Variants in PLCB2 observed in about 807,000 individuals in gnomAD.
PLCB2 encodes 1-phosphatidylinositol 4,5-bisphosphate phosphodiesterase beta-2.
PLCB2 carries 115 observed loss-of-function variants against 141.7 expected under a neutral mutation model. The observed-to-expected ratio is 0.81, with a 90% CI of 0.70 to 0.95. The LOEUF (loss-of-function observed/expected upper bound fraction) is 0.95. Ranked by LOEUF, PLCB2 falls within the 40% of genes least tolerant of loss-of-function variation. PLCB2 has a pLI of 0.00. For synonymous variants in PLCB2, 603 were observed against 595.6 expected, an observed-to-expected ratio of 1.01 and a Z score of -0.18; for missense variants, 1,403 against 1,541.1, an observed-to-expected ratio of 0.91 and a Z score of 1.50.
Position 40,287,965 on chromosome 15 carries a change from A to C in PLCB2, c.*750T>G. The C allele has an allele frequency of 1.0e-6, 1 of 984,282 alleles. No homozygotes were observed. The highest frequency in any genetic ancestry group is 1.2e-6 in the Non-Finnish European group (1 of 828,904). The allele number at this position is 984,282 out of a possible 1,614,324, so 61.0% of individuals were successfully genotyped here. A position where few individuals can be genotyped will look rare whatever the true frequency, so the allele number is the denominator to read the frequency against. On this transcript the variant is annotated 3_prime_UTR_variant, in exon 32 of 32. Transcript: ENST00000260402. The stretch of plus-strand genomic sequence containing the variant: ...AAAGAGAAAAATAAATAAACCTCAT[A>C]AATTCAGGAGAGCAAATGATGCTGA...
At chr15:40,285,610 C>T, downstream of PLCB2, 1 of 985,218 alleles carries the variant, frequency 1.0e-6, no homozygotes, top group Non-Finnish European at 1.2e-6. Flanking sequence ...GACTCTCCAC[C>T]CCCAGTAACT....
chr15:40,288,586 C>T lies in PLCB2; in HGVS notation c.*129G>A. 7.1e-7 allele frequency: 1 copy of T among 1,407,760 alleles called. No homozygotes were observed. 87.2% of individuals were successfully genotyped at this position (1,407,760 alleles called of 1,614,324 possible). On this transcript the variant is annotated 3_prime_UTR_variant, in exon 32 of 32. Coordinates refer to ENST00000260402, the MANE Select transcript of PLCB2 (RefSeq NM_004573.3). Reference sequence around the variant, plus strand: ...GGCCTGGCCGTTGAGGAGGGGGCTGCAGCGTCCAAGGCAGCCACAGGTTCC... The same window carrying T: ...GGCCTGGCCGTTGAGGAGGGGGCTGTAGCGTCCAAGGCAGCCACAGGTTCC...
At chr15:40,290,969 G>T in intron 27 of PLCB2, 49 bp downstream of exon 27, 2 of 1,536,512 alleles carry the variant, frequency 1.3e-6, no homozygotes, top group East Asian at 2.4e-5. Flanking sequence ...TCCATGGGGG[G>T]TGGGGTCGGT....
At position 40,291,591 on chromosome 15, in the gene PLCB2, C is replaced by T; in HGVS notation, c.2647+15G>A. 1 of 1,613,204 alleles carries T rather than the reference C, an allele frequency of 6.2e-7. No homozygotes were observed. The highest frequency in any genetic ancestry group is 8.5e-7 in the Non-Finnish European group (1 of 1,179,862). On this transcript the variant is annotated intron_variant, in intron 25 of 31. Coordinates refer to ENST00000260402, the MANE Select transcript of PLCB2 (RefSeq NM_004573.3). ...CAGGCTCATCCCCGAGATCACCGGG[C>T]TCAGCAGGCCTTACCCGCAGCTTCT...
intron 10 of PLCB2, 63 bp from the exon 11 acceptor site, chr15:40,298,443 C>T: frequency 6.3e-7 from 1 of 1,576,100 alleles, no homozygotes; most frequent in Non-Finnish European, 8.7e-7. Context: ...TCTCCCCCTA[C>T]CGCCACTCCA....
chr15:40,298,080 C>A, intron 11 of PLCB2, 121 bp from the exon 12 acceptor site: 1 of 1,171,058 alleles, frequency 8.5e-7, no homozygotes, highest in Non-Finnish European at 1.2e-6. Flanking sequence ...CGCCATTGGC[C>A]CCCAATCCCT....
At chr15:40,295,178 G>A in intron 17 of PLCB2, 23 bp downstream of exon 17, 1 of 1,610,622 alleles carries the variant, frequency 6.2e-7, no homozygotes, top group Non-Finnish European at 8.5e-7. Context: ...CAAGGACCCT[G>A]GCCACTGAAA....
At chr15:40,286,225 G>A (rs554077267), downstream of PLCB2, among the ~76,000 whole-genome samples, 560 of 152,168 alleles carry the variant, frequency 3.7e-3, 2 homozygotes, top group Middle Eastern at 0.037. Context: ...AGGCAGGCAC[G>A]TCATACTCAC....
At chr15:40,301,788 C>T in intron 7 of PLCB2, 169 bp downstream of exon 7, 1 of 705,552 alleles carries the variant, frequency 1.4e-6, no homozygotes, top group Non-Finnish European at 2.6e-6. Flanking sequence ...CCTGGCTCCA[C>T]CCCTGTGCCT....
At position 40,297,956 on chromosome 15, in the gene PLCB2, C is replaced by T; in HGVS notation, c.1159G>A (p.Ala387Thr). 1 of 1,606,546 alleles carries T rather than the reference C, an allele frequency of 6.2e-7. No homozygotes were observed. Among genetic ancestry groups the T allele is most frequent in the Non-Finnish European group, 8.5e-7 (1 of 1,173,364 alleles). ...TMTTDIFFKEAIEAIAESAFK... is the reference protein window; with the variant it reads ...TMTTDIFFKETIEAIAESAFK... ...GCGCTTTCTGCAATAGCCTCAATTGCTTCCTGGAGGAGAAGGAGACTCCAT... is the reference window on the plus strand; with the variant it reads ...GCGCTTTCTGCAATAGCCTCAATTGTTTCCTGGAGGAGAAGGAGACTCCAT... The change falls in exon 12 of 32, where the codon GCA becomes ACA. Residue 387 changes from alanine to threonine, a missense_variant. By Grantham distance (58) the Ala-to-Thr change is moderately conservative (BLOSUM62 0). Around this residue, in one of 4 missense-constraint regions of PLCB2, gnomAD observed 975 missense variants for 1,141.1 expected, o/e 0.85. Coordinates refer to ENST00000260402, the MANE Select transcript of PLCB2 (RefSeq NM_004573.3). This position sits in a 1 kb window ranked among gnomAD's most constrained non-coding sequence, Gnocchi z 4.2.
chr15:40,290,996 T>C, intron 27 of PLCB2, 22 bp downstream of exon 27: 1 of 1,582,144 alleles, frequency 6.3e-7, no homozygotes, highest in Non-Finnish European at 8.5e-7. Flanking sequence ...GGTGGGGTTG[T>C]CGCCCTGCCC....
At chr15:40,302,760 T>C in intron 3 of PLCB2, 151 bp from the exon 4 acceptor site, 1 of 812,498 alleles carries the variant, frequency 1.2e-6, no homozygotes, top group Non-Finnish European at 1.9e-6. Flanking sequence ...AGCATCTTCC[T>C]GTCCCTGACT....
chr15:40,289,155 G>T, intron 31 of PLCB2, 117 bp downstream of exon 31: 1 of 1,062,674 alleles, frequency 9.4e-7, no homozygotes, highest in Non-Finnish European at 1.4e-6. Context: ...GGACCCCACA[G>T]TGAAGGATGA....
intron 20 of PLCB2, 57 bp downstream of exon 20, chr15:40,293,503 C>T: frequency 6.5e-7 from 1 of 1,549,064 alleles, no homozygotes; most frequent in Non-Finnish European, 8.9e-7. Flanking sequence ...TTCCTCTTGT[C>T]TGTAAGTAGA....
Position 40,296,808 on chromosome 15 carries a change from T to C in PLCB2, c.1424A>G (p.Lys475Arg), listed in dbSNP as rs768067248. The C allele has an allele frequency of 6.2e-7, 1 of 1,613,826 alleles. No homozygotes were observed. The change falls in exon 14 of 32, where the codon AAG (lysine) becomes AGG (arginine). Residue 475 changes from lysine to arginine, a missense_variant. Physicochemically the swap from Lys to Arg is conservative, Grantham distance 26. This residue lies in a region of PLCB2 where 975 missense variants were observed against 1,141.1 expected (regional missense o/e 0.85). Transcript: ENST00000260402. ...GCCCTCAGCCTCCCCACCAGTATCC[T>C]TACTGGAGGAGGTGGGGCCAGAAAA... ...NQFSGPTSSS[K>R]DTGGEAEGSS... is the part of the protein sequence containing the mutation.
chr15:40,291,000 C>A lies in PLCB2; in HGVS notation c.3036+18G>T, dbSNP rs370853127. The A allele has an allele frequency of 1.5e-4, 231 of 1,586,056 alleles. No homozygotes were observed. In the African/African-American group the frequency reaches 2.9e-3, roughly 20 times the overall value. ...TCGGTGGGGCTGGTGGGGTTGTCGC[C>A]CTGCCCCTCCCGGCCACCTCGGCCA... On this transcript the variant is annotated intron_variant, in intron 27 of 31. Coordinates refer to ENST00000260402, the MANE Select transcript of PLCB2 (RefSeq NM_004573.3).
downstream of PLCB2, chr15:40,285,622 G>C: frequency 1.0e-6 from 1 of 985,358 alleles, no homozygotes. Flanking sequence ...CCAGTAACTG[G>C]GCAGGAATGC....
intron 1 of PLCB2, among the ~76,000 whole-genome samples, chr15:40,306,952 G>A (rs771058443): frequency 6.6e-6 from 1 of 152,236 alleles, no homozygotes; most frequent in Non-Finnish European, 1.5e-5. Flanking sequence ...GCAGAGAGAG[G>A]GCTGCAGGGT....
intron 30 of PLCB2, chr15:40,289,700 C>A: frequency 2.0e-6 from 1 of 512,672 alleles, no homozygotes; most frequent in South Asian, 2.4e-5. Context: ...ATCCCCTGAC[C>A]CTCGCCAGTC....
Sources: gnomAD v4.1 joint callset for allele counts (sites outside exome capture counted in the v4.1 genomes callset) on GRCh38, gnomAD v4.1.1 for gene constraint, gnomAD v4.1.1 regional missense constraint, Gnocchi (gnomAD v3.1) non-coding constraint, MANE v1.5 for transcripts, NCBI Gene and HGNC (gene_info 2026-07-23, HGNC 2026-07-21) for gene names.